Variants in UGP2 observed in about 807,000 individuals in gnomAD.
UGP2 encodes the protein UTP--glucose-1-phosphate uridylyltransferase.
Under a neutral mutation model 49.0 loss-of-function variants are expected in UGP2, and 40 were observed. The ratio of observed to expected loss-of-function variants is 0.82; its 90% CI spans 0.63 to 1.06. UGP2 has a LOEUF of 1.06. Ranked by LOEUF, UGP2 falls within the 50% of genes least tolerant of loss-of-function variation. The probability of loss-of-function intolerance (pLI) is 0.00; values close to 1 mark genes in which losing one functional copy is unlikely to be tolerated. For missense variants in UGP2, 460 were observed against 603.5 expected (o/e 0.76, Z 2.49); for synonymous variants, 225 against 213.0 (o/e 1.06, Z -0.49).
At chr2:63,881,478 A>G (rs962950420) in intron 3 of UGP2, among the ~76,000 whole-genome samples, 1 of 152,192 alleles carries the variant, frequency 6.6e-6, no homozygotes, top group Non-Finnish European at 1.5e-5. Flanking sequence ...GTTGTACACC[A>G]TGATGTAACT....
chr2:63,845,402 A>C (rs1671859215), intron 1 of UGP2, among the ~76,000 whole-genome samples: 1 of 152,136 alleles, frequency 6.6e-6, no homozygotes. Flanking sequence ...TTCAGATAGC[A>C]TTGCCACCCA....
intron 1 of UGP2, among the ~76,000 whole-genome samples, chr2:63,850,704 C>G (rs1181008406): frequency 6.6e-6 from 1 of 152,168 alleles, no homozygotes; most frequent in Non-Finnish European, 1.5e-5. Flanking sequence ...AAATCAGCCT[C>G]TGCTTGAGAA....
chr2:63,884,296 A>G (rs989595379), intron 5 of UGP2, among the ~76,000 whole-genome samples: 1 of 152,234 alleles, frequency 6.6e-6, no homozygotes, highest in Non-Finnish European at 1.5e-5. Flanking sequence ...CTTAAAATTC[A>G]GTCTGCTTGA....
intron 3 of UGP2, among the ~76,000 whole-genome samples, chr2:63,864,367 A>G (rs945831966): frequency 6.6e-6 from 1 of 152,190 alleles, no homozygotes; most frequent in African/African-American, 2.4e-5. Context: ...GTACATCCCT[A>G]TGTTTATCTC....
chr2:63,884,418 G>A (rs1180778527), intron 5 of UGP2, among the ~76,000 whole-genome samples: 1 of 152,096 alleles, frequency 6.6e-6, no homozygotes, highest in Non-Finnish European at 1.5e-5. Context: ...CTACATTATT[G>A]ATAACCTTTC....
Position 63,856,342 on chromosome 2 carries a change from A to C in UGP2, c.56A>C (p.Gln19Pro). 6.2e-7 allele frequency: 1 copy of C among 1,613,996 alleles called. No homozygotes were observed. The highest frequency in any genetic ancestry group is 8.5e-7 in the Non-Finnish European group (1 of 1,180,006). Residue 19 changes from glutamine (Q) to proline (P), a missense_variant, in exon 2 of 10, where the codon CAG (glutamine) becomes CCG (proline). By Grantham distance (76) the Gln-to-Pro change is moderately conservative (BLOSUM62 -1). Around this residue, in one of 2 missense-constraint regions of UGP2, gnomAD observed 143 missense variants for 130.4 expected, o/e 1.10. Coordinates refer to ENST00000337130, the MANE Select transcript of UGP2 (RefSeq NM_006759.4). ...SKAMSQDGAS[Q>P]FQEVIRQELE... is the part of the protein sequence containing the mutation. The stretch of plus-strand genomic sequence containing the variant: ...GCAATGTCTCAAGATGGTGCTTCTC[A>C]GTTCCAAGAAGTCATTCGGCAAGAG...
At chr2:63,850,535 A>G (rs932841044) in intron 1 of UGP2, among the ~76,000 whole-genome samples, 1 of 152,258 alleles carries the variant, frequency 6.6e-6, no homozygotes, top group Non-Finnish European at 1.5e-5. Context: ...AAATGTAAAC[A>G]TATAAATTGC....
chr2:63,861,521 C>T (rs1318646069), intron 3 of UGP2, among the ~76,000 whole-genome samples: 2 of 146,280 alleles, frequency 1.4e-5, no homozygotes, highest in African/African-American at 4.9e-5. Context: ...CTCACCTCTA[C>T]AAATTTTTTT....
At chr2:63,847,437 C>A (rs1483413901) in intron 1 of UGP2, among the ~76,000 whole-genome samples, 1 of 152,074 alleles carries the variant, frequency 6.6e-6, no homozygotes, top group African/African-American at 2.4e-5. Context: ...TTCCTAGTTC[C>A]CACCAAGCTT....
At chr2:63,889,282 T>C (rs1671908636) in intron 8 of UGP2, 1 of 151,920 alleles carries the variant, frequency 6.6e-6, no homozygotes, top group Admixed American at 6.6e-5. Flanking sequence ...TAGAAAGGAA[T>C]ATAGGATTTG....
intron 8 of UGP2, chr2:63,889,056 C>A (rs574999677): frequency 2.6e-5 from 4 of 152,114 alleles, no homozygotes; most frequent in Admixed American, 2.6e-4. Context: ...CATGTGTCCT[C>A]AGAGTCAAAT....
intron 4 of UGP2, 132 bp downstream of exon 4, chr2:63,882,783 T>A: frequency 1.9e-6 from 2 of 1,041,706 alleles, no homozygotes; most frequent in Non-Finnish European, 2.6e-6. Context: ...ATCTCTTTAT[T>A]GGTGGAAAAA....
chr2:63,886,773 C>T (rs546971198), intron 7 of UGP2, among the ~76,000 whole-genome samples: 1 of 152,280 alleles, frequency 6.6e-6, no homozygotes, highest in South Asian at 2.1e-4. Context: ...AAACACTGGG[C>T]TTCAAAAGTA....
In UGP2 at chr2:63,890,066, C is replaced by T; in HGVS notation, c.1315-15C>T. ...CCATTTGAGACAAATTTTTATGTTT[C>T]TCCTTTTCTGTAAGGTTCAAGATTA... On this transcript the variant is annotated splice_polypyrimidine_tract_variant and intron_variant, in intron 8 of 9. Coordinates refer to ENST00000337130, the MANE Select transcript of UGP2 (RefSeq NM_006759.4). The T allele has an allele frequency of 6.3e-7, 1 of 1,576,234 alleles. No individual in the cohort carries two copies. The highest frequency in any genetic ancestry group is 1.9e-5 in the Admixed American group (1 of 53,344).
At position 63,886,495 on chromosome 2, in the gene UGP2, A is replaced by G. The variant is rs868054051; in HGVS notation, c.1028A>G (p.Gln343Arg). Residue 343 changes from glutamine (Q) to arginine (R), a missense_variant, in exon 7 of 10, where the codon CAG becomes CGG. Gln to Arg is a conservative substitution (Grantham distance 43, BLOSUM62 1). Transcript: ENST00000337130. ...WISLAAVKRL[Q>R]EQNAIDMEII... is the part of the protein sequence containing the mutation. ...TCTCTTGCAGCAGTTAAAAGACTGC[A>G]GGAGCAAAATGCCATTGACATGGAA... 6.2e-7 allele frequency: 1 copy of G among 1,614,092 alleles called. No individual in the cohort carries two copies. Among genetic ancestry groups the G allele is most frequent in the African/African-American group, 1.3e-5 (1 of 74,948 alleles).
chr2:63,888,355 A>G (rs1367939667), intron 8 of UGP2: 2 of 152,246 alleles, frequency 1.3e-5, no homozygotes, highest in South Asian at 4.1e-4. Flanking sequence ...ACATTTTGCC[A>G]TAGGCTAATT....
chr2:63,857,450 A>G (rs1436395555), intron 2 of UGP2: 1 of 355,560 alleles, frequency 2.8e-6, no homozygotes, highest in Non-Finnish European at 5.7e-6. Flanking sequence ...TGCAGCCTCA[A>G]CTTCCTGGGC....
chr2:63,846,432 G>A (rs1339466886), intron 1 of UGP2, among the ~76,000 whole-genome samples: 1 of 76,990 alleles, frequency 1.3e-5, no homozygotes, highest in African/African-American at 5.1e-5. Context: ...TAATATTAGA[G>A]GCATTGTTTT....
At chr2:63,857,519 C>T (rs1260504483) in intron 2 of UGP2, 13 of 440,270 alleles carry the variant, frequency 3.0e-5, no homozygotes, top group South Asian at 1.5e-4. Flanking sequence ...CACACCACCA[C>T]ATCTGGCTAA....
Sources: allele counts gnomAD v4.1 joint callset (sites outside exome capture counted in the v4.1 genomes callset), GRCh38; gene constraint gnomAD v4.1.1; regional missense constraint gnomAD v4.1.1; transcripts MANE v1.5; gene names NCBI Gene and HGNC (gene_info 2026-07-23, HGNC 2026-07-21).